The following P4HA3 variants were observed in gnomAD, a reference collection of about 807,000 sequenced individuals.
P4HA3 encodes prolyl 4-hydroxylase subunit alpha 3.
Under a neutral mutation model 66.7 loss-of-function variants are expected in P4HA3, and 60 were observed. The ratio of observed to expected loss-of-function variants is 0.90; its 90% confidence interval spans 0.73 to 1.12. The LOEUF (loss-of-function observed/expected upper bound fraction) is 1.12. P4HA3 is among the 50% of genes most tolerant of loss of function. P4HA3 has a pLI of 0.00. For synonymous variants in P4HA3, 263 were observed against 274.6 expected, an observed-to-expected ratio of 0.96 and a Z score of 0.42; for missense variants, 683 against 685.8, an observed-to-expected ratio of 1.00 and a Z score of 0.05.
At chr11:74,311,299 C>T in intron 1 of P4HA3, 113 bp downstream of exon 1, 1 of 1,232,564 alleles carries the variant, frequency 8.1e-7, no homozygotes, top group Non-Finnish European at 1.1e-6. Flanking sequence ...GGTCTGGGGT[C>T]CCACGCAGCA....
chr11:74,268,140 C>A lies in P4HA3; in HGVS notation c.1564+5G>T. 6.2e-7 allele frequency: 1 copy of A among 1,612,926 alleles called. No homozygotes were observed. On this transcript the variant is annotated splice_donor_5th_base_variant and intron_variant, in intron 12 of 12. Transcript: ENST00000331597. ...CCTTCTCATGCCCAGAAAGGCAAGA[C>A]TTACCCCACTTATCTCCCACCAGGA... is the stretch of plus-strand genomic sequence containing the variant.
At chr11:74,251,231 C>T in intron 15 of P4HA3, 1 of 1,401,230 alleles carries the variant, frequency 7.1e-7, no homozygotes, top group Non-Finnish European at 9.3e-7. Context: ...TGACACTCTG[C>T]TATTTCATCC....
rs1381103364 is a variant in P4HA3, at chr11:74,286,208, CT to C, written c.933+19del. 13 of 1,608,630 alleles carry C rather than the reference CT, an allele frequency of 8.1e-6. No individual in the cohort carries two copies. The highest frequency in any genetic ancestry group is 1.1e-5 in the Non-Finnish European group (13 of 1,178,266). ...TCTAGCCAGGCCTCTCCCCCTTTCTCTTTCCCTGAGGAATCCTACCTGGGAA... is the reference window on the plus strand; with the variant it reads ...TCTAGCCAGGCCTCTCCCCCTTTCTCTTCCCTGAGGAATCCTACCTGGGAA... On this transcript the variant is annotated intron_variant, in intron 6 of 12. Transcript: ENST00000331597.
chr11:74,264,468 G>A (rs1859958361), downstream of P4HA3, among the ~76,000 whole-genome samples: 1 of 152,190 alleles, frequency 6.6e-6, no homozygotes, highest in South Asian at 2.1e-4. Flanking sequence ...TTCCAGGGGT[G>A]AGGGGAGCCT....
chr11:74,300,726 A>G (rs1390204605), intron 3 of P4HA3, among the ~76,000 whole-genome samples: 1 of 152,220 alleles, frequency 6.6e-6, no homozygotes, highest in Non-Finnish European at 1.5e-5. Flanking sequence ...ACATGTTGAT[A>G]ATTATTGAAG....
intron 4 of P4HA3, among the ~76,000 whole-genome samples, chr11:74,295,914 T>C (rs78580884): frequency 0.039 from 5,869 of 152,302 alleles, 122 homozygotes; most frequent in Middle Eastern, 0.11. Context: ...CTTCGTGAGA[T>C]GAAAAGAACC....
chr11:74,265,409 C>T (rs1012216309), downstream of P4HA3, among the ~76,000 whole-genome samples: 3 of 152,296 alleles, frequency 2.0e-5, no homozygotes, highest in African/African-American at 7.2e-5. Flanking sequence ...CCACAGAGCT[C>T]TGGGAAGCTG....
chr11:74,251,795 C>A, intron 15 of P4HA3: 3 of 1,547,538 alleles, frequency 1.9e-6, no homozygotes, highest in Non-Finnish European at 2.7e-6. Context: ...CTGTAAATAT[C>A]TCTGCCTTAC....
chr11:74,294,456 C>T (rs1371427524), intron 4 of P4HA3, among the ~76,000 whole-genome samples: 1 of 152,226 alleles, frequency 6.6e-6, no homozygotes, highest in Non-Finnish European at 1.5e-5. Context: ...TCATCAAAGT[C>T]ATTCTCCATC....
At position 74,289,080 on chromosome 11, in the gene P4HA3, G is replaced by A. The variant is rs1457222620; in HGVS notation, c.768C>T (p.Tyr256=). 1.3e-6 allele frequency: 2 copies of A among 1,576,688 alleles called. No individual in the cohort carries two copies. The highest frequency in any genetic ancestry group is 1.7e-6 in the Non-Finnish European group (2 of 1,163,406). ...GCTTATCTTTTATCCATTACGTACT[G>A]TAGAGAAGAAACTCCCGAGAGAGGC... is the stretch of plus-strand genomic sequence containing the variant. The part of the protein sequence containing the change: ...ALSLSREFLL[Y]SPDNKRMARN... The change falls in exon 5 of 13, where the codon TAC becomes TAT. Residue 256 remains tyrosine, a splice_region_variant and synonymous_variant. Coordinates refer to ENST00000331597, the MANE Select transcript of P4HA3 (RefSeq NM_182904.5).
chr11:74,281,637 C>T (rs995648869), intron 7 of P4HA3, among the ~76,000 whole-genome samples: 2 of 152,024 alleles, frequency 1.3e-5, no homozygotes, highest in African/African-American at 4.8e-5. Flanking sequence ...AAAAACCAAA[C>T]ACCACATATT....
intron 15 of P4HA3, chr11:74,250,723 C>T (rs1859635582): frequency 1.4e-5 from 7 of 501,218 alleles, no homozygotes; most frequent in East Asian, 1.2e-4. Flanking sequence ...CTCTGGCCCA[C>T]AGTAAATGTA....
intron 15 of P4HA3, among the ~76,000 whole-genome samples, chr11:74,256,981 CAG>C (rs1184198119): frequency 2.0e-5 from 3 of 152,062 alleles, no homozygotes; most frequent in African/African-American, 4.8e-5. Flanking sequence ...ACTTTGTAGA[CAG>C]AGGTAAATAA....
At chr11:74,266,128 G>A (rs994150344), downstream of P4HA3, among the ~76,000 whole-genome samples, 3 of 152,120 alleles carry the variant, frequency 2.0e-5, no homozygotes, top group Non-Finnish European at 4.4e-5. Context: ...GAAGGTGGTG[G>A]TGATGGGCAT....
intron 8 of P4HA3, among the ~76,000 whole-genome samples, chr11:74,277,837 A>C (rs552543781): frequency 2.6e-4 from 39 of 152,352 alleles, no homozygotes; most frequent in Admixed American, 1.0e-3. Flanking sequence ...CCCTAAAGCC[A>C]GTGGGTCTCC....
Position 74,267,128 on chromosome 11 carries a change from C to T in P4HA3, c.*120G>A. 6.4e-7 allele frequency: 1 copy of T among 1,558,698 alleles called. No individual in the cohort carries two copies. Among genetic ancestry groups the T allele is most frequent in the Non-Finnish European group, 8.7e-7 (1 of 1,155,632 alleles). On this transcript the variant is annotated 3_prime_UTR_variant, in exon 13 of 13. Transcript: ENST00000331597. ...TTGCCTCTGATTTGCGAGGCACAGACAAAGCTGACAAGGCCTTCTTCCAGG... is the reference window on the plus strand; with the variant it reads ...TTGCCTCTGATTTGCGAGGCACAGATAAAGCTGACAAGGCCTTCTTCCAGG...
chr11:74,260,471 G>A (rs1380734847), intron 14 of P4HA3, among the ~76,000 whole-genome samples: 1 of 152,186 alleles, frequency 6.6e-6, no homozygotes, highest in Non-Finnish European at 1.5e-5. Flanking sequence ...TCTCACAATT[G>A]GGAGGGGGGC....
intron 3 of P4HA3, among the ~76,000 whole-genome samples, chr11:74,300,355 G>C (rs949209483): frequency 1.3e-4 from 20 of 152,356 alleles, no homozygotes; most frequent in African/African-American, 3.8e-4. Flanking sequence ...GATAGGCTGG[G>C]TGCAGTGGTT....
chr11:74,292,043 T>C (rs1488754637), intron 4 of P4HA3, among the ~76,000 whole-genome samples: 1 of 152,210 alleles, frequency 6.6e-6, no homozygotes, highest in Admixed American at 6.5e-5. Context: ...TTTGTACCTC[T>C]GGTAGAATTC....
Sources: allele counts gnomAD v4.1 joint callset (sites outside exome capture counted in the v4.1 genomes callset), GRCh38; gene constraint gnomAD v4.1.1; transcripts MANE v1.5; gene names NCBI Gene and HGNC (gene_info 2026-07-23, HGNC 2026-07-21).